The following FGF7 variants were observed in gnomAD, a reference collection of about 807,000 sequenced individuals.
FGF7 encodes the protein fibroblast growth factor 7, also known as FGF-7.
A neutral mutation model predicts 20.5 loss-of-function variants in FGF7; 6 were observed. That is an observed-to-expected ratio of 0.29 (90% CI 0.16 to 0.58). FGF7 has a LOEUF of 0.58. Ranked by LOEUF, FGF7 falls within the 20% of genes least tolerant of loss-of-function variation. The pLI is 0.90. For missense variants in FGF7, 144 were observed against 228.8 expected (o/e 0.63, Z 2.39); for synonymous variants, 64 against 74.7 (o/e 0.86, Z 0.74).
At chr15:49,446,894 A>G (rs1158628287) in intron 2 of FGF7, among the ~76,000 whole-genome samples, 1 of 151,508 alleles carries the variant, frequency 6.6e-6, no homozygotes, top group Non-Finnish European at 1.5e-5. Flanking sequence ...ACTAAAGAGA[A>G]GGAAAAGCAA....
intron 2 of FGF7, among the ~76,000 whole-genome samples, chr15:49,444,642 A>G (rs895201791): frequency 2.0e-5 from 3 of 151,728 alleles, no homozygotes; most frequent in African/African-American, 7.2e-5. Flanking sequence ...AAGTTGAATC[A>G]GGAACCTTCT....
At chr15:49,442,198 G>T (rs1349572424) in intron 2 of FGF7, among the ~76,000 whole-genome samples, 1 of 151,440 alleles carries the variant, frequency 6.6e-6, no homozygotes, top group Non-Finnish European at 1.5e-5. Flanking sequence ...CTAATGGAAA[G>T]ATTCTATTCT....
chr15:49,484,153 G>T (rs1223513373), intron 3 of FGF7, among the ~76,000 whole-genome samples, 157 bp from the exon 4 acceptor site: 1 of 151,954 alleles, frequency 6.6e-6, no homozygotes, highest in African/African-American at 2.4e-5. Flanking sequence ...TACTACATAA[G>T]TATAGCTAAT....
At chr15:49,448,031 T>C (rs2052384212) in intron 2 of FGF7, among the ~76,000 whole-genome samples, 1 of 151,672 alleles carries the variant, frequency 6.6e-6, no homozygotes, top group African/African-American at 2.4e-5. Context: ...ATTATTTTAA[T>C]GTCCGAGAGC....
At chr15:49,440,482 A>G (rs1205694435) in intron 2 of FGF7, among the ~76,000 whole-genome samples, 1 of 151,790 alleles carries the variant, frequency 6.6e-6, no homozygotes, top group African/African-American at 2.4e-5. Flanking sequence ...ATTGAAACTG[A>G]AATTGAAACT....
chr15:49,434,085 A>T (rs541797401), intron 2 of FGF7, among the ~76,000 whole-genome samples: 73 of 151,554 alleles, frequency 4.8e-4, no homozygotes, highest in African/African-American at 1.7e-3. Flanking sequence ...TCCACTCTCA[A>T]TTCGTTTTAG....
intron 2 of FGF7, among the ~76,000 whole-genome samples, chr15:49,445,799 T>C (rs2052145508): frequency 1.3e-5 from 2 of 151,462 alleles, no homozygotes; most frequent in South Asian, 4.2e-4. Flanking sequence ...AGTAAAAGAG[T>C]GTATTTGAAA....
intron 2 of FGF7, among the ~76,000 whole-genome samples, chr15:49,452,958 A>G (rs1349104813): frequency 6.6e-6 from 1 of 152,188 alleles, no homozygotes; most frequent in Non-Finnish European, 1.5e-5. Context: ...TATCACTTTA[A>G]AAGGTTTTCC....
intron 2 of FGF7, among the ~76,000 whole-genome samples, chr15:49,469,992 T>A (rs2054591531): frequency 6.6e-6 from 1 of 152,172 alleles, no homozygotes; most frequent in Non-Finnish European, 1.5e-5. Context: ...CATTAGAGGA[T>A]GGCATTAAAT....
At chr15:49,473,581 G>A (rs74012388) in intron 2 of FGF7, among the ~76,000 whole-genome samples, 2,609 of 152,068 alleles carry the variant, frequency 0.017, 91 homozygotes, top group African/African-American at 0.06. Flanking sequence ...TATTGGAGTT[G>A]GTCTCACGTT....
At chr15:49,452,634 T>C (rs779573568) in intron 2 of FGF7, among the ~76,000 whole-genome samples, 1 of 152,182 alleles carries the variant, frequency 6.6e-6, no homozygotes, top group Non-Finnish European at 1.5e-5. Context: ...ATAATGAAGA[T>C]ACCTTAGTTT....
At position 49,487,211 on chromosome 15, in the gene FGF7, T is replaced by C. The variant is rs558254989; in HGVS notation, c.*2707T>C. ...TGTAGTTTTCAATTCTGATTCCTATTCACCTTTTGTTTATGAATGGAAAGC... is the reference window on the plus strand; with the variant it reads ...TGTAGTTTTCAATTCTGATTCCTATCCACCTTTTGTTTATGAATGGAAAGC... On this transcript the variant is annotated 3_prime_UTR_variant, in exon 4 of 4. Transcript: ENST00000267843. The C allele has an allele frequency of 5.8e-4, 88 of 151,920 alleles. 2 individuals are homozygous for C. The highest frequency in any genetic ancestry group is 4.9e-3 in the Admixed American group (75 of 15,222). 9.4% of individuals were successfully genotyped at this position (151,920 alleles called of 1,614,324 possible). A position where few individuals can be genotyped will look rare whatever the true frequency, so the allele number is the denominator to read the frequency against.
intron 2 of FGF7, among the ~76,000 whole-genome samples, chr15:49,435,914 A>C (rs2051059321): frequency 6.6e-6 from 1 of 151,580 alleles, no homozygotes; most frequent in South Asian, 2.1e-4. Context: ...TGAGTGAATA[A>C]ATGTAAGTAT....
At chr15:49,458,889 A>T (rs1475781488) in intron 2 of FGF7, among the ~76,000 whole-genome samples, 1 of 152,150 alleles carries the variant, frequency 6.6e-6, no homozygotes, top group Admixed American at 6.6e-5. Context: ...ACCAACATCT[A>T]CTACTCTATT....
chr15:49,427,212 C>G (rs1335597742), intron 2 of FGF7, among the ~76,000 whole-genome samples: 3 of 151,776 alleles, frequency 2.0e-5, no homozygotes, highest in African/African-American at 7.3e-5. Context: ...AATCTAGGTT[C>G]AAAAAATGCT....
chr15:49,447,303 ACT>A (rs1301186706), intron 2 of FGF7, among the ~76,000 whole-genome samples: 2 of 151,578 alleles, frequency 1.3e-5, no homozygotes, highest in East Asian at 3.9e-4. Flanking sequence ...CTGGCAAAAT[ACT>A]CTCTTATCAC....
chr15:49,457,399 A>C (rs1372207927), intron 2 of FGF7, among the ~76,000 whole-genome samples: 1 of 152,052 alleles, frequency 6.6e-6, no homozygotes, highest in Non-Finnish European at 1.5e-5. Flanking sequence ...AAAAGCATTC[A>C]AATTTCAAAG....
intron 2 of FGF7, chr15:49,425,427 G>A (rs1216356802): frequency 2.0e-5 from 3 of 151,876 alleles, no homozygotes; most frequent in African/African-American, 7.3e-5. Flanking sequence ...TAAATGTAAT[G>A]GAATAAGATA....
At chr15:49,481,060 TA>T (rs1237187171) in intron 2 of FGF7, among the ~76,000 whole-genome samples, 2 of 152,138 alleles carry the variant, frequency 1.3e-5, no homozygotes, top group Non-Finnish European at 1.5e-5. Context: ...TCTTTTTATC[TA>T]AAAGAAAATA....
Sources: gnomAD v4.1 joint callset for allele counts (sites outside exome capture counted in the v4.1 genomes callset) on GRCh38, gnomAD v4.1.1 for gene constraint, MANE v1.5 for transcripts, NCBI Gene and HGNC (gene_info 2026-07-23, HGNC 2026-07-21) for gene names.